Variants in PAK5 observed in about 807,000 individuals in gnomAD.
The protein encoded by PAK5 is p21 (RAC1) activated kinase 5.
In PAK5, 16 loss-of-function variants were observed where a neutral mutation model predicts 65.9. The observed-to-expected ratio is 0.24, with a 90% CI of 0.16 to 0.37. The LOEUF (loss-of-function observed/expected upper bound fraction) is 0.37. PAK5 is among the 10% of genes least tolerant of loss of function. PAK5 has a pLI of 1.00. For missense variants in PAK5, 785 were observed against 903.9 expected, an observed-to-expected ratio of 0.87 and a Z score of 1.69; for synonymous variants, 371 against 354.9, an observed-to-expected ratio of 1.05 and a Z score of -0.51.
chr20:9,729,454 A>G (rs2048311779), intron 1 of PAK5, among the ~76,000 whole-genome samples: 2 of 151,956 alleles, frequency 1.3e-5, no homozygotes, highest in Non-Finnish European at 1.5e-5. Flanking sequence ...CTTCCATAGC[A>G]TCAGAATCCT....
At chr20:9,757,495 A>C (rs1054015679) in intron 1 of PAK5, among the ~76,000 whole-genome samples, 1 of 152,164 alleles carries the variant, frequency 6.6e-6, no homozygotes, top group African/African-American at 2.4e-5. Context: ...TCCAGTCTTT[A>C]ATAAGATTTT....
chr20:9,573,940 T>A (rs771710734), intron 4 of PAK5, among the ~76,000 whole-genome samples: 3 of 152,192 alleles, frequency 2.0e-5, no homozygotes, highest in African/African-American at 4.8e-5. Context: ...AACGCCAGGC[T>A]GGGTGCTGCT....
chr20:9,742,595 T>G (rs1188682460), intron 1 of PAK5, among the ~76,000 whole-genome samples: 1 of 152,208 alleles, frequency 6.6e-6, no homozygotes, highest in African/African-American at 2.4e-5. Context: ...TGCTGTTACA[T>G]AGTCCTCTTT....
chr20:9,573,740 G>A (rs999361525), intron 4 of PAK5, among the ~76,000 whole-genome samples: 11 of 152,182 alleles, frequency 7.2e-5, no homozygotes, highest in Admixed American at 5.9e-4. Flanking sequence ...TGGCTGGAGC[G>A]TGCTCGACTG....
At chr20:9,630,476 G>A (rs2046907177) in intron 3 of PAK5, among the ~76,000 whole-genome samples, 1 of 152,182 alleles carries the variant, frequency 6.6e-6, no homozygotes, top group African/African-American at 2.4e-5. Flanking sequence ...TAAAATATCT[G>A]TGGATGTGGC....
At chr20:9,794,861 G>A (rs2049088322) in intron 1 of PAK5, among the ~76,000 whole-genome samples, 1 of 151,896 alleles carries the variant, frequency 6.6e-6, no homozygotes, top group East Asian at 1.9e-4. Flanking sequence ...CATATCTTCA[G>A]TATATGAGAT....
At chr20:9,614,550 G>A (rs1324946676) in intron 3 of PAK5, among the ~76,000 whole-genome samples, 1 of 151,946 alleles carries the variant, frequency 6.6e-6, no homozygotes, top group Non-Finnish European at 1.5e-5. Context: ...AGAAAAATCA[G>A]ATAAGGAAAA....
At chr20:9,696,024 C>G (rs527258008) in intron 2 of PAK5, among the ~76,000 whole-genome samples, 28 of 151,942 alleles carry the variant, frequency 1.8e-4, no homozygotes, top group African/African-American at 6.3e-4. Flanking sequence ...GTAAGATATC[C>G]AAAATATTTT....
intron 2 of PAK5, among the ~76,000 whole-genome samples, chr20:9,688,164 A>T (rs1265938342): frequency 6.6e-6 from 1 of 152,126 alleles, no homozygotes; most frequent in Non-Finnish European, 1.5e-5. Context: ...AAGGGCAGGT[A>T]CAGGGTGAAA....
In PAK5 at chr20:9,565,890, T is replaced by C. The variant is rs754534085; in HGVS notation, c.1482+3A>G. On this transcript the variant is annotated splice_donor_region_variant and intron_variant, in intron 5 of 9. Transcript: ENST00000353224. ...GAAAGGATGACCCAAACACACTCTT[T>C]ACCTCATTGAAAAGCAGTTCTCGTC... is the stretch of plus-strand genomic sequence containing the variant. The C allele has an allele frequency of 2.5e-6, 4 of 1,610,008 alleles. No homozygotes were observed. The African/African-American group carries it at 5.3e-5, about 22-fold the overall frequency.
chr20:9,573,553 T>A (rs1028560608), intron 4 of PAK5, among the ~76,000 whole-genome samples: 4 of 152,226 alleles, frequency 2.6e-5, no homozygotes, highest in African/African-American at 7.2e-5. Flanking sequence ...ATCAAGGACC[T>A]AACTGAACTG....
At chr20:9,632,016 A>G (rs1358101839) in intron 3 of PAK5, among the ~76,000 whole-genome samples, 1 of 152,236 alleles carries the variant, frequency 6.6e-6, no homozygotes, top group African/African-American at 2.4e-5. Flanking sequence ...AAGATGCTAA[A>G]TGAGAGATAA....
intron 2 of PAK5, among the ~76,000 whole-genome samples, chr20:9,689,196 A>C (rs996482363): frequency 3.9e-5 from 6 of 152,174 alleles, no homozygotes; most frequent in African/African-American, 1.4e-4. Flanking sequence ...ACTGCTCTGC[A>C]AACTCCCCTC....
At chr20:9,573,040 T>C (rs927921501) in intron 4 of PAK5, among the ~76,000 whole-genome samples, 2 of 152,108 alleles carry the variant, frequency 1.3e-5, no homozygotes, top group African/African-American at 4.8e-5. Flanking sequence ...GAATTCTCTC[T>C]ACAGGAATCT....
intron 1 of PAK5, among the ~76,000 whole-genome samples, chr20:9,811,579 C>A (rs552062161): frequency 1.3e-5 from 2 of 152,264 alleles, no homozygotes; most frequent in South Asian, 4.1e-4. Flanking sequence ...GACTGGACAG[C>A]CCACGGAACT....
At chr20:9,798,004 C>T (rs1317114517) in intron 1 of PAK5, among the ~76,000 whole-genome samples, 1 of 151,998 alleles carries the variant, frequency 6.6e-6, no homozygotes, top group African/African-American at 2.4e-5. Flanking sequence ...GAAGGCTGTT[C>T]TGGAAAAGAA....
intron 1 of PAK5, among the ~76,000 whole-genome samples, chr20:9,751,298 C>T (rs2048574425): frequency 6.6e-6 from 1 of 152,076 alleles, no homozygotes; most frequent in East Asian, 1.9e-4. Context: ...CAAATTCCTC[C>T]TCCATTTCTC....
chr20:9,651,293 G>A lies in PAK5; in HGVS notation c.-11-6954C>T, dbSNP rs143019423. 9.7e-4 allele frequency among the ~76,000 whole-genome samples: 147 copies of A among 152,294 alleles called. No individual in the cohort carries two copies. The Middle Eastern group carries it at 0.051, about 53-fold the overall frequency. On this transcript the variant is annotated intron_variant, in intron 2 of 9. Coordinates refer to ENST00000353224, the MANE Select transcript of PAK5 (RefSeq NM_177990.4). ...TGAAAAGTGGCTTAGATCTGTGTCTGGCTCCTAGCAAGTGCAATCCAAATT... is the reference window on the plus strand; with the variant it reads ...TGAAAAGTGGCTTAGATCTGTGTCTAGCTCCTAGCAAGTGCAATCCAAATT...
In PAK5 at chr20:9,573,824, C is replaced by T. The variant is rs568506548; in HGVS notation, c.990+6321G>A. On this transcript the variant is annotated intron_variant, in intron 4 of 9. Transcript: ENST00000353224. The stretch of plus-strand genomic sequence containing the variant: ...ACTCGGAATGTTCCGTGAAGGATGG[C>T]GAGTTACAGGGAGTGGGCGGCAGCT... Among the ~76,000 whole-genome samples the T allele has an allele frequency of 3.9e-5, 6 of 152,198 alleles. No individual in the cohort carries two copies. The East Asian group carries it at 7.7e-4, about 20-fold the overall frequency.
Sources: allele counts gnomAD v4.1 joint callset (sites outside exome capture counted in the v4.1 genomes callset), GRCh38; gene constraint gnomAD v4.1.1; transcripts MANE v1.5; gene names NCBI Gene and HGNC (gene_info 2026-07-23, HGNC 2026-07-21).